ADD3: variants seen among roughly 807,000 people sequenced by gnomAD.
The protein encoded by ADD3 is adducin 3.
Under a neutral mutation model 80.2 loss-of-function variants are expected in ADD3, and 25 were observed. The observed-to-expected ratio is 0.31, with a 90% CI of 0.23 to 0.44. ADD3 has a LOEUF of 0.44. ADD3 is among the 20% of genes least tolerant of loss of function. The probability of loss-of-function intolerance (pLI) is 1.00; values close to 1 mark genes in which losing one functional copy is unlikely to be tolerated. For synonymous variants in ADD3, 284 were observed against 289.6 expected (o/e 0.98, Z 0.20); for missense variants, 829 against 847.5 (o/e 0.98, Z 0.27).
At chr10:110,083,495 G>A (rs560227245) in intron 1 of ADD3, among the ~76,000 whole-genome samples, 33 of 151,478 alleles carry the variant, frequency 2.2e-4, no homozygotes, top group African/African-American at 7.5e-4. Flanking sequence ...CAGCCTGGGT[G>A]ACAGAGCAAG....
At chr10:110,100,460 A>C (rs1848684926) in intron 1 of ADD3, among the ~76,000 whole-genome samples, 165 bp from the exon 2 acceptor site, 1 of 152,148 alleles carries the variant, frequency 6.6e-6, no homozygotes, top group Non-Finnish European at 1.5e-5. Context: ...ATAATCTAAG[A>C]TCTTTTTATA....
chr10:110,104,768 A>G (rs1849230051), intron 2 of ADD3, among the ~76,000 whole-genome samples: 1 of 152,212 alleles, frequency 6.6e-6, no homozygotes. Context: ...TCCTCAAAGC[A>G]ATTCAGTTAA....
At chr10:110,019,614 A>G (rs1223205784) in intron 1 of ADD3, among the ~76,000 whole-genome samples, 1 of 152,186 alleles carries the variant, frequency 6.6e-6, no homozygotes, top group African/African-American at 2.4e-5. Context: ...TCGGCCTCCC[A>G]AAGTGCTGGG....
chr10:110,087,143 C>T (rs1291690670), intron 1 of ADD3, among the ~76,000 whole-genome samples: 3 of 152,132 alleles, frequency 2.0e-5, no homozygotes, highest in Non-Finnish European at 4.4e-5. Flanking sequence ...ATTCTCCTGC[C>T]TCAGCTTTCC....
chr10:110,101,439 G>A (rs1306399967), intron 2 of ADD3, among the ~76,000 whole-genome samples: 1 of 152,018 alleles, frequency 6.6e-6, no homozygotes, highest in Non-Finnish European at 1.5e-5. Flanking sequence ...TTTGAAACCA[G>A]CCTAGGCAGC....
At chr10:110,007,223 G>A (rs1261643901), upstream of ADD3, among the ~76,000 whole-genome samples, 1 of 152,144 alleles carries the variant, frequency 6.6e-6, no homozygotes, top group Non-Finnish European at 1.5e-5. Context: ...TTCAGAGGCC[G>A]GGAGCCAAAG....
chr10:110,132,322 C>G lies in ADD3; in HGVS notation c.1750C>G (p.Leu584Val), dbSNP rs1373034234. The G allele has an allele frequency of 1.9e-5, 31 of 1,612,906 alleles. No homozygotes were observed. Among genetic ancestry groups the G allele is most frequent in the Middle Eastern group, 1.7e-4 (1 of 6,058 alleles). ...QGLEDAEQELLSDDASSVSQI... is the reference protein window; with the variant it reads ...QGLEDAEQELVSDDASSVSQI... The stretch of plus-strand genomic sequence containing the variant: ...TCCAACAGATGCTGAGCAGGAATTA[C>G]TCTCAGATGACGCTTCATCTGTTTC... Residue 584 changes from leucine to valine, a missense_variant, in exon 14 of 15, where the codon CTC becomes GTC. Physicochemically the swap from Leu to Val is conservative, Grantham distance 32 (BLOSUM62 1). Coordinates refer to ENST00000356080, the MANE Select transcript of ADD3 (RefSeq NM_016824.5).
At chr10:110,028,822 G>A (rs1854625401) in intron 1 of ADD3, among the ~76,000 whole-genome samples, 1 of 150,934 alleles carries the variant, frequency 6.6e-6, no homozygotes, top group Non-Finnish European at 1.5e-5. Context: ...TTTCAGTTAA[G>A]AGAAAAATCA....
chr10:110,019,947 C>T (rs1331264350), intron 1 of ADD3, among the ~76,000 whole-genome samples: 2 of 152,192 alleles, frequency 1.3e-5, no homozygotes, highest in Admixed American at 6.5e-5. Context: ...GTCAGCTCTT[C>T]GGAAGCTAGA....
intron 1 of ADD3, among the ~76,000 whole-genome samples, chr10:110,096,594 G>C (rs181863685): frequency 1.3e-5 from 2 of 152,116 alleles, no homozygotes; most frequent in Non-Finnish European, 2.9e-5. Flanking sequence ...AGTTAGCTGG[G>C]GGGGGTCTGC....
intron 1 of ADD3, among the ~76,000 whole-genome samples, chr10:110,049,881 C>T (rs528931549): frequency 3.0e-4 from 43 of 141,518 alleles, no homozygotes; most frequent in South Asian, 4.5e-4. Context: ...AGCGAGACTC[C>T]GTCTCAAAAA....
At chr10:110,030,657 T>G (rs1401714337) in intron 1 of ADD3, among the ~76,000 whole-genome samples, 1 of 151,584 alleles carries the variant, frequency 6.6e-6, no homozygotes, top group Non-Finnish European at 1.5e-5. Flanking sequence ...TGTGGCTGTT[T>G]ATCGCTTGAA....
At chr10:110,096,854 G>A (rs1328275434) in intron 1 of ADD3, among the ~76,000 whole-genome samples, 1 of 152,138 alleles carries the variant, frequency 6.6e-6, no homozygotes, top group African/African-American at 2.4e-5. Flanking sequence ...GAAAAACGAT[G>A]TACCACAGAG....
At chr10:110,092,902 C>T (rs1333014987) in intron 1 of ADD3, among the ~76,000 whole-genome samples, 1 of 152,134 alleles carries the variant, frequency 6.6e-6, no homozygotes, top group African/African-American at 2.4e-5. Flanking sequence ...CTCTGTCACC[C>T]ATGCTGGAGT....
At chr10:110,055,310 C>T (rs941886515) in intron 1 of ADD3, among the ~76,000 whole-genome samples, 1 of 152,108 alleles carries the variant, frequency 6.6e-6, no homozygotes, top group Admixed American at 6.5e-5. Context: ...AGCCACTCAG[C>T]TACTTGTTGC....
chr10:110,080,431 G>A (rs1211788132), intron 1 of ADD3, among the ~76,000 whole-genome samples: 1 of 152,154 alleles, frequency 6.6e-6, no homozygotes, highest in Non-Finnish European at 1.5e-5. Flanking sequence ...TGTATATATT[G>A]TGTGGTCTGT....
intron 1 of ADD3, among the ~76,000 whole-genome samples, chr10:110,044,325 T>C (rs1283586824): frequency 6.6e-6 from 1 of 152,228 alleles, no homozygotes; most frequent in Non-Finnish European, 1.5e-5. Flanking sequence ...TTTATATTAT[T>C]GTGTCTTCTG....
In ADD3 at chr10:110,118,602, A is replaced by G. The variant is rs1274768594; in HGVS notation, c.583A>G (p.Ile195Val). 6.2e-7 allele frequency: 1 copy of G among 1,613,934 alleles called. No homozygotes were observed. Among genetic ancestry groups the G allele is most frequent in the Admixed American group, 1.7e-5 (1 of 60,022 alleles). The change falls in exon 6 of 15, where the codon ATA (isoleucine) becomes GTA (valine). Residue 195 changes from isoleucine to valine, a missense_variant. Transcript: ENST00000356080. Reference protein sequence around the residue: ...TASNLVKVNIIGEVVDQGSTN... With the variant: ...TASNLVKVNIVGEVVDQGSTN... The stretch of plus-strand genomic sequence containing the variant: ...TTTTTTCCAGGTGAAAGTCAATATA[A>G]TAGGAGAAGTGGTTGACCAGGGAAG...
intron 2 of ADD3, among the ~76,000 whole-genome samples, chr10:110,109,722 G>A (rs1221527479): frequency 6.6e-6 from 1 of 152,148 alleles, no homozygotes; most frequent in African/African-American, 2.4e-5. Flanking sequence ...GTGTCCAGAA[G>A]TTTTCTGTAC....
Sources: allele counts gnomAD v4.1 joint callset (sites outside exome capture counted in the v4.1 genomes callset), GRCh38; gene constraint gnomAD v4.1.1; transcripts MANE v1.5; gene names NCBI Gene and HGNC (gene_info 2026-07-23, HGNC 2026-07-21).